The following SIRT5 variants were observed in gnomAD, a reference collection of about 807,000 sequenced individuals.
The protein encoded by SIRT5 is NAD-dependent protein deacylase sirtuin-5, mitochondrial.
In SIRT5, 26 loss-of-function variants were observed where a neutral mutation model predicts 40.0. That is an observed-to-expected ratio of 0.65 (90% CI 0.48 to 0.90). The LOEUF (loss-of-function observed/expected upper bound fraction) is 0.90. Among genes scored for constraint, SIRT5 ranks in the 40% least tolerant of loss-of-function variants. The pLI is 0.00. For missense variants in SIRT5, 401 were observed against 402.4 expected, an observed-to-expected ratio of 1.00 and a Z score of 0.03; for synonymous variants, 146 against 149.1, an observed-to-expected ratio of 0.98 and a Z score of 0.15.
chr6:13,611,236 TACAC>T (rs70989875), intron 9 of SIRT5, among the ~76,000 whole-genome samples: 1,420 of 92,710 alleles, frequency 0.015, 22 homozygotes, highest in South Asian at 0.029. Flanking sequence ...TATATATATA[TACAC>T]ACACACATAC....
chr6:13,592,627 T>C (rs1761076062), intron 5 of SIRT5, among the ~76,000 whole-genome samples: 1 of 152,204 alleles, frequency 6.6e-6, no homozygotes, highest in Non-Finnish European at 1.5e-5. Flanking sequence ...AGCTCAGTGC[T>C]GGACACTGCA....
chr6:13,595,344 A>G, intron 5 of SIRT5, 133 bp from the exon 6 acceptor site: 1 of 680,098 alleles, frequency 1.5e-6, no homozygotes, highest in Non-Finnish European at 2.6e-6. Context: ...GCTACACTCC[A>G]GCCTGGGTAA....
rs1760391034 is a variant in SIRT5, at chr6:13,588,554, C to T, written c.249+90C>T. The T allele has an allele frequency of 5.6e-6, 8 of 1,436,976 alleles. No homozygotes were observed. In the South Asian group the frequency reaches 1.0e-4, roughly 18 times the overall value. The allele number at this position is 1,436,976 out of a possible 1,614,324, so 89.0% of individuals were successfully genotyped here. On this transcript the variant is annotated intron_variant, in intron 4 of 9. Transcript: ENST00000606117. ...AATCCTATACCGATCCCCGAAACCC[C>T]AGGGAAATGGTTTTTAAGTGAACTG...
intron 9 of SIRT5, chr6:13,605,204 T>G: frequency 1.6e-5 from 16 of 977,874 alleles, no homozygotes; most frequent in Non-Finnish European, 1.8e-5. Flanking sequence ...TGGGCCAAAT[T>G]TGCCCACCAC....
At chr6:13,611,408 C>A (rs995535257) in intron 9 of SIRT5, among the ~76,000 whole-genome samples, 6 of 151,236 alleles carry the variant, frequency 4.0e-5, no homozygotes, top group Non-Finnish European at 7.4e-5. Context: ...TTTATACTTA[C>A]AATTTCAATG....
intron 3 of SIRT5, chr6:13,585,188 T>A (rs890569571): frequency 1.3e-5 from 2 of 152,204 alleles, no homozygotes; most frequent in Non-Finnish European, 2.9e-5. Flanking sequence ...GAGAATGGCG[T>A]GTTGTGACCG....
chr6:13,581,756 G>A (rs1190789650), intron 2 of SIRT5, among the ~76,000 whole-genome samples: 2 of 152,102 alleles, frequency 1.3e-5, no homozygotes, highest in Non-Finnish European at 2.9e-5. Context: ...ACGTCACAGA[G>A]CACCGATATC....
rs1166677697 is a variant in SIRT5 at position 13,614,042 on chromosome 6, T to C, written c.*2177T>C. On this transcript the variant is annotated 3_prime_UTR_variant, in exon 10 of 10. Transcript: ENST00000606117. ...CCTATTTGGTTTTGTCGTTTTTAAA[T>C]TGAGAATTGCTTCTAAAACAGAAGA... 1.3e-5 allele frequency: 2 copies of C among 152,166 alleles called. No homozygotes were observed. Among genetic ancestry groups the C allele is most frequent in the Non-Finnish European group, 2.9e-5 (2 of 68,026 alleles). 9.4% of individuals were successfully genotyped at this position (152,166 alleles called of 1,614,324 possible).
chr6:13,596,491 A>T (rs946661300), intron 6 of SIRT5, among the ~76,000 whole-genome samples: 2 of 147,860 alleles, frequency 1.4e-5, no homozygotes, highest in Non-Finnish European at 3.0e-5. Flanking sequence ...ACCACTGGTG[A>T]TTTTTTTTTT....
intron 7 of SIRT5, among the ~76,000 whole-genome samples, chr6:13,597,703 G>A (rs186257943): frequency 2.8e-4 from 42 of 151,872 alleles, no homozygotes; most frequent in Admixed American, 2.0e-3. Context: ...CCGCCACCAC[G>A]CCTGGCTATT....
At chr6:13,575,378 G>A (rs1483053169) in intron 1 of SIRT5, among the ~76,000 whole-genome samples, 1 of 152,122 alleles carries the variant, frequency 6.6e-6, no homozygotes, top group Non-Finnish European at 1.5e-5. Context: ...GCAGGTGATG[G>A]AACGGGAGGG....
Position 13,599,502 on chromosome 6 carries a change from T to G in SIRT5, c.741+347T>G, listed in dbSNP as rs115982122. On this transcript the variant is annotated intron_variant, in intron 8 of 9. Coordinates refer to ENST00000606117, the MANE Select transcript of SIRT5 (RefSeq NM_012241.5). ...AAATTTAATTGAGAACATGCAAAAATTATCACATTATAAAGAGGAAATTAG... is the reference window on the plus strand; with the variant it reads ...AAATTTAATTGAGAACATGCAAAAAGTATCACATTATAAAGAGGAAATTAG... Among the ~76,000 whole-genome samples, 369 of 152,288 alleles carry G rather than the reference T, an allele frequency of 2.4e-3. 1 individual carries two copies. Among genetic ancestry groups the G allele is most frequent in the African/African-American group, 8.6e-3 (358 of 41,554 alleles).
chr6:13,597,825 C>CGG (rs1761802426), intron 7 of SIRT5, among the ~76,000 whole-genome samples: 1 of 151,980 alleles, frequency 6.6e-6, no homozygotes, highest in Non-Finnish European at 1.5e-5. Flanking sequence ...GGATTACAGG[C>CGG]GTGAACCACT....
At chr6:13,611,265 A>G (rs565913523) in intron 9 of SIRT5, among the ~76,000 whole-genome samples, 52 of 148,072 alleles carry the variant, frequency 3.5e-4, no homozygotes, top group African/African-American at 1.3e-3. Flanking sequence ...ACACATATAT[A>G]TACACACACA....
chr6:13,589,937 G>A (rs1288825871), intron 4 of SIRT5, among the ~76,000 whole-genome samples: 1 of 152,128 alleles, frequency 6.6e-6, no homozygotes, highest in African/African-American at 2.4e-5. Flanking sequence ...ACATATTCCT[G>A]TGCCACCTAT....
chr6:13,587,774 T>C (rs145647476), intron 3 of SIRT5, among the ~76,000 whole-genome samples: 1,604 of 152,330 alleles, frequency 0.011, 23 homozygotes, highest in African/African-American at 0.036. Context: ...AAGAAGGCCA[T>C]GTGTCCTCAA....
At chr6:13,608,447 G>C (rs1051807831) in intron 9 of SIRT5, among the ~76,000 whole-genome samples, 2 of 152,016 alleles carry the variant, frequency 1.3e-5, no homozygotes, top group South Asian at 4.1e-4. Context: ...CTAGCCAGGC[G>C]TGGTGGTCCA....
intron 9 of SIRT5, among the ~76,000 whole-genome samples, chr6:13,606,064 G>A (rs1763061068): frequency 6.6e-6 from 1 of 152,252 alleles, no homozygotes; most frequent in Non-Finnish European, 1.5e-5. Flanking sequence ...GGTTGAGGCA[G>A]ACAGGTAAGC....
At position 13,612,200 on chromosome 6, in the gene SIRT5, T is replaced by C. The variant is rs201142047; in HGVS notation, c.*335T>C. On this transcript the variant is annotated 3_prime_UTR_variant, in exon 10 of 10. Transcript: ENST00000606117. ...AGTTATTCTGATTATATTTTTGTTATCTGGGCAAAGTAGAAGTCAAGGGGT... is the reference window on the plus strand; with the variant it reads ...AGTTATTCTGATTATATTTTTGTTACCTGGGCAAAGTAGAAGTCAAGGGGT... 221 of 184,880 alleles carry C rather than the reference T, an allele frequency of 1.2e-3. No individual in the cohort carries two copies. The highest frequency in any genetic ancestry group is 4.9e-3 in the African/African-American group (211 of 42,912). 11.5% of individuals were successfully genotyped at this position (184,880 alleles called of 1,614,324 possible).
Sources: allele counts gnomAD v4.1 joint callset (sites outside exome capture counted in the v4.1 genomes callset), GRCh38; gene constraint gnomAD v4.1.1; transcripts MANE v1.5; gene names NCBI Gene and HGNC (gene_info 2026-07-23, HGNC 2026-07-21).